RCOR1: variants seen among roughly 807,000 people sequenced by gnomAD.
RCOR1 encodes the protein REST corepressor.
In RCOR1, 12 loss-of-function variants were observed where a neutral mutation model predicts 64.0. The ratio of observed to expected loss-of-function variants is 0.19; its 90% CI spans 0.12 to 0.30. The LOEUF (loss-of-function observed/expected upper bound fraction) is 0.30, where lower values mean the gene tolerates loss of function less well. Ranked by LOEUF, RCOR1 falls within the 10% of genes least tolerant of loss-of-function variation. RCOR1 has a pLI of 1.00. For synonymous variants in RCOR1, 279 were observed against 227.2 expected (o/e 1.23, Z -2.05); for missense variants, 502 against 621.2 (o/e 0.81, Z 2.04).
At chr14:102,632,916 G>T (rs1055171277) in intron 2 of RCOR1, among the ~76,000 whole-genome samples, 1 of 151,148 alleles carries the variant, frequency 6.6e-6, no homozygotes, top group South Asian at 2.1e-4. Flanking sequence ...GGCTCAAGCA[G>T]TTCTCCCACT....
intron 8 of RCOR1, among the ~76,000 whole-genome samples, chr14:102,716,674 TG>T (rs1896076215): frequency 6.6e-6 from 1 of 152,236 alleles, no homozygotes; most frequent in African/African-American, 2.4e-5. Flanking sequence ...CATATGGGTC[TG>T]GTTTGAGGTT....
chr14:102,692,021 C>A (rs1895542891), intron 3 of RCOR1, among the ~76,000 whole-genome samples: 1 of 152,130 alleles, frequency 6.6e-6, no homozygotes, highest in Non-Finnish European at 1.5e-5. Flanking sequence ...TTATTTGCTC[C>A]ACATCCTCTC....
At chr14:102,606,184 C>T (rs563100865) in intron 2 of RCOR1, among the ~76,000 whole-genome samples, 5 of 152,284 alleles carry the variant, frequency 3.3e-5, no homozygotes, top group Admixed American at 2.6e-4. Context: ...CTTCGGCCTC[C>T]GAAAGTGCTG....
At chr14:102,712,207 G>T (rs1055384108) in intron 7 of RCOR1, among the ~76,000 whole-genome samples, 5 of 151,896 alleles carry the variant, frequency 3.3e-5, no homozygotes, top group Non-Finnish European at 5.9e-5. Flanking sequence ...TTTTGAGACA[G>T]TCTCTCACTC....
Position 102,592,832 on chromosome 14 carries a change from C to G in RCOR1, c.-55C>G, listed in dbSNP as rs1191788345. ...GCGCCCCCTCCCCCGTCTCGGCGCC[C>G]CCTCCTCAGGAGCCGCGGGTCCCCG... On this transcript the variant is annotated 5_prime_UTR_variant, in exon 1 of 12. Coordinates refer to ENST00000262241, the MANE Select transcript of RCOR1 (RefSeq NM_015156.4). The G allele has an allele frequency of 1.7e-6, 2 of 1,174,564 alleles. No homozygotes were observed. Among genetic ancestry groups the G allele is most frequent in the Admixed American group, 9.3e-5 (2 of 21,528 alleles). The allele number at this position is 1,174,564 out of a possible 1,614,324, so 72.8% of individuals were successfully genotyped here.
At chr14:102,701,465 C>T in intron 4 of RCOR1, 135 bp downstream of exon 4, 1 of 580,094 alleles carries the variant, frequency 1.7e-6, no homozygotes, top group Non-Finnish European at 2.9e-6. Context: ...AGTAGTGTTA[C>T]ACAAACTCTG....
At position 102,631,680 on chromosome 14, in the gene RCOR1, T is replaced by G. The variant is rs9324050; in HGVS notation, c.361+38355T>G. Among the ~76,000 whole-genome samples, 363 of 152,290 alleles carry G rather than the reference T, an allele frequency of 2.4e-3. 3 individuals are homozygous for G. The highest frequency in any genetic ancestry group is 8.5e-3 in the African/African-American group (354 of 41,548). The stretch of plus-strand genomic sequence containing the variant: ...GAATCTTGAATCTGTTTTCCTGCAG[T>G]TCTCCTAATGTGAAAATGTGACTGC... On this transcript the variant is annotated intron_variant, in intron 2 of 11. Coordinates refer to ENST00000262241, the MANE Select transcript of RCOR1 (RefSeq NM_015156.4).
chr14:102,677,103 G>A (rs1186583472), intron 2 of RCOR1, among the ~76,000 whole-genome samples: 3 of 133,020 alleles, frequency 2.3e-5, no homozygotes, highest in African/African-American at 5.9e-5. Flanking sequence ...CAGTAGGGGC[G>A]GCCGGGCCGA....
intron 10 of RCOR1, among the ~76,000 whole-genome samples, chr14:102,721,859 G>A (rs921601397): frequency 6.6e-6 from 1 of 152,170 alleles, no homozygotes. Flanking sequence ...CAGACAGAGT[G>A]TTCAGCTTTA....
At chr14:102,685,129 A>T (rs931071905) in intron 3 of RCOR1, among the ~76,000 whole-genome samples, 2 of 151,136 alleles carry the variant, frequency 1.3e-5, no homozygotes, top group African/African-American at 4.9e-5. Context: ...TCTGCCTCTT[A>T]GGGTTACTGA....
intron 2 of RCOR1, among the ~76,000 whole-genome samples, chr14:102,639,916 G>A (rs1894331962): frequency 6.6e-6 from 1 of 152,056 alleles, no homozygotes; most frequent in African/African-American, 2.4e-5. Context: ...GCATGACCTC[G>A]GCTCACTGCA....
rs1276592544 is a variant in RCOR1, at chr14:102,651,129, G to C, written c.362-30766G>C. The C allele has an allele frequency of 6.2e-6, 6 of 966,306 alleles. No homozygotes were observed. In the South Asian group the frequency reaches 2.4e-4, roughly 39 times the overall value. 59.9% of individuals were successfully genotyped at this position (966,306 alleles called of 1,614,324 possible). On this transcript the variant is annotated intron_variant, in intron 2 of 11. Transcript: ENST00000262241. ...GTATGTTTGGTGCTGAGACCAGCTC[G>C]GTCGGGGAGACCCTAACCCAGCGGC... is the stretch of plus-strand genomic sequence containing the variant.
At chr14:102,697,377 C>A (rs1417741057) in intron 3 of RCOR1, among the ~76,000 whole-genome samples, 3 of 152,196 alleles carry the variant, frequency 2.0e-5, no homozygotes, top group Non-Finnish European at 4.4e-5. Context: ...CCGGGTCTTT[C>A]TTACCCTGTA....
At chr14:102,668,743 T>C (rs2139946542) in intron 2 of RCOR1, among the ~76,000 whole-genome samples, 1 of 152,250 alleles carries the variant, frequency 6.6e-6, no homozygotes, top group South Asian at 2.1e-4. Flanking sequence ...AACAAGTGAA[T>C]AGAGCATTTA....
intron 2 of RCOR1, among the ~76,000 whole-genome samples, chr14:102,632,889 G>A (rs947297115): frequency 6.7e-6 from 1 of 150,348 alleles, no homozygotes; most frequent in African/African-American, 2.5e-5. Context: ...ATAGCCCCCT[G>A]CAGCCTCAAA....
chr14:102,705,649 T>C (rs1042832154), intron 4 of RCOR1, among the ~76,000 whole-genome samples: 4 of 152,092 alleles, frequency 2.6e-5, no homozygotes, highest in Admixed American at 6.6e-5. Flanking sequence ...CGTAGATTCA[T>C]GGTCTTGCTA....
At chr14:102,596,762 A>G (rs1025674472) in intron 2 of RCOR1, among the ~76,000 whole-genome samples, 1 of 151,310 alleles carries the variant, frequency 6.6e-6, no homozygotes, top group African/African-American at 2.4e-5. Context: ...ATGCGGTTTC[A>G]CCATGTTGGC....
chr14:102,714,568 C>T lies in RCOR1; in HGVS notation c.1004C>T (p.Thr335Ile), dbSNP rs200931966. 4 of 1,613,320 alleles carry T rather than the reference C, an allele frequency of 2.5e-6. No homozygotes were observed. The highest frequency in any genetic ancestry group is 2.2e-5 in the East Asian group (1 of 44,884). ...GTTTCTGCCAATGCCACTGCTGCTACCACGGTGCTGAGACAACTAGACATG... is the reference window on the plus strand; with the variant it reads ...GTTTCTGCCAATGCCACTGCTGCTATCACGGTGCTGAGACAACTAGACATG... ...EAVSANATAA[T>I]TVLRQLDMEL... The change falls in exon 8 of 12, where the codon ACC (threonine) becomes ATC (isoleucine). Residue 335 changes from threonine to isoleucine, a missense_variant. By Grantham distance (89) the Thr-to-Ile change is moderately conservative (BLOSUM62 -1). Transcript: ENST00000262241.
At chr14:102,718,246 G>A (rs1250167360) in intron 8 of RCOR1, among the ~76,000 whole-genome samples, 2 of 152,048 alleles carry the variant, frequency 1.3e-5, no homozygotes, top group Admixed American at 1.3e-4. Context: ...GAGCCATTTT[G>A]CAACCCTCAC....
Sources: gnomAD v4.1 joint callset for allele counts (sites outside exome capture counted in the v4.1 genomes callset) on GRCh38, gnomAD v4.1.1 for gene constraint, MANE v1.5 for transcripts, NCBI Gene and HGNC (gene_info 2026-07-23, HGNC 2026-07-21) for gene names.